SMAD2: variants seen among roughly 807,000 people sequenced by gnomAD.
The protein encoded by SMAD2 is SMAD family member 2, also known as MAD homolog 2.
SMAD2 carries 8 observed loss-of-function variants against 64.4 expected under a neutral mutation model. The ratio of observed to expected loss-of-function variants is 0.12; its 90% CI spans 0.07 to 0.22. The LOEUF is 0.22. SMAD2 is among the 10% of genes least tolerant of loss of function. The pLI, the probability that SMAD2 is intolerant of heterozygous loss-of-function variation, is 1.00. For missense variants in SMAD2, 289 were observed against 561.2 expected, an observed-to-expected ratio of 0.51 and a Z score of 4.90; for synonymous variants, 203 against 195.8, an observed-to-expected ratio of 1.04 and a Z score of -0.31.
At chr18:47,899,226 A>T (rs75575295) in intron 1 of SMAD2, among the ~76,000 whole-genome samples, 2 of 152,150 alleles carry the variant, frequency 1.3e-5, no homozygotes, top group African/African-American at 2.4e-5. Flanking sequence ...TTTGGGGAAC[A>T]TAAGTGTTGT....
chr18:47,908,426 G>T (rs993711711), intron 1 of SMAD2, among the ~76,000 whole-genome samples: 22 of 151,620 alleles, frequency 1.5e-4, no homozygotes, highest in Non-Finnish European at 2.5e-4. Flanking sequence ...GGAGATTTGA[G>T]ACAATCTGAA....
Position 47,832,849 on chromosome 18 carries a change from G to A in SMAD2, c.*8978C>T, listed in dbSNP as rs76658932. On this transcript the variant is annotated 3_prime_UTR_variant, in exon 11 of 11. Coordinates refer to ENST00000262160, the MANE Select transcript of SMAD2 (RefSeq NM_005901.6). ...TAAATAGCACTGTGCAGTGTGTGGTGTGCGCCTGTTGTGGGGTTATATTAA... is the reference window on the plus strand; with the variant it reads ...TAAATAGCACTGTGCAGTGTGTGGTATGCGCCTGTTGTGGGGTTATATTAA... The A allele has an allele frequency of 0.012, 1,905 of 153,350 alleles. 23 individuals carry two copies. Among genetic ancestry groups the A allele is most frequent in the Non-Finnish European group, 0.02 (1,349 of 68,716 alleles). 9.5% of individuals were successfully genotyped at this position (153,350 alleles called of 1,614,324 possible). A position where few individuals can be genotyped will look rare whatever the true frequency, so the allele number is the denominator to read the frequency against.
At chr18:47,857,561 A>G (rs1381216298) in intron 6 of SMAD2, among the ~76,000 whole-genome samples, 2 of 152,150 alleles carry the variant, frequency 1.3e-5, no homozygotes, top group Non-Finnish European at 2.9e-5. Context: ...GAAAAATTCT[A>G]TTTTTCTTTA....
chr18:47,919,440 AG>A, intron 1 of SMAD2, among the ~76,000 whole-genome samples: 1 of 78,898 alleles, frequency 1.3e-5, no homozygotes, highest in Non-Finnish European at 3.5e-5. Context: ...ACTAGACAAC[AG>A]AGTGTGACCT....
rs1159107389 is a variant in SMAD2 at position 47,825,377 on chromosome 18, C to T, written c.*16450G>A. 6.6e-6 allele frequency: 1 copy of T among 152,202 alleles called. No homozygotes were observed. The highest frequency in any genetic ancestry group is 1.5e-5 in the Non-Finnish European group (1 of 68,062). 9.4% of individuals were successfully genotyped at this position (152,202 alleles called of 1,614,324 possible). On this transcript the variant is annotated 3_prime_UTR_variant, in exon 11 of 11. Coordinates refer to ENST00000262160, the MANE Select transcript of SMAD2 (RefSeq NM_005901.6). Reference sequence around the variant, plus strand: ...CATGAATGGCTTGGTGCTGCTCTTGCAATGAGTTCTCACTCTCTCAAGACT... The same window carrying T: ...CATGAATGGCTTGGTGCTGCTCTTGTAATGAGTTCTCACTCTCTCAAGACT...
At chr18:47,881,142 C>T (rs1000704719) in intron 2 of SMAD2, among the ~76,000 whole-genome samples, 26 of 152,220 alleles carry the variant, frequency 1.7e-4, no homozygotes, top group Admixed American at 1.4e-3. Flanking sequence ...TAAAACATGC[C>T]TATTTTTGTT....
chr18:47,883,228 G>C (rs1192216972), intron 2 of SMAD2, among the ~76,000 whole-genome samples: 3 of 151,984 alleles, frequency 2.0e-5, no homozygotes, highest in Non-Finnish European at 2.9e-5. Flanking sequence ...TTATAATTTG[G>C]TTTGAAATAT....
rs897107879 is a variant in SMAD2, at chr18:47,829,614, T to A, written c.*12213A>T. The A allele has an allele frequency of 8.3e-4, 28 of 33,742 alleles. No homozygotes were observed. Among genetic ancestry groups the A allele is most frequent in the African/African-American group, 2.3e-3 (28 of 12,008 alleles). The allele number at this position is 33,742 out of a possible 1,614,324, so 2.1% of individuals were successfully genotyped here. A position where few individuals can be genotyped will look rare whatever the true frequency, so the allele number is the denominator to read the frequency against. On this transcript the variant is annotated 3_prime_UTR_variant, in exon 11 of 11. Transcript: ENST00000262160. ...AAGAAGGCAGTTTTCTAGGGGTTTA[T>A]TTAATTATAGGGGGGTTGGGGTAGA...
intron 10 of SMAD2, chr18:47,844,993 C>A (rs995897203): frequency 1.0e-5 from 5 of 501,714 alleles, no homozygotes; most frequent in African/African-American, 9.7e-5. Context: ...ATCCAATGCA[C>A]CTTTTACAAC....
intron 6 of SMAD2, among the ~76,000 whole-genome samples, chr18:47,861,761 T>C (rs1258252490): frequency 1.3e-5 from 2 of 152,212 alleles, no homozygotes; most frequent in Admixed American, 6.5e-5. Flanking sequence ...TTCTTCACTT[T>C]CCTTCACATC....
chr18:47,928,879 CAG>C (rs547742350), intron 1 of SMAD2, among the ~76,000 whole-genome samples: 52 of 152,260 alleles, frequency 3.4e-4, no homozygotes, highest in African/African-American at 1.2e-3. Context: ...TTAAATCCAG[CAG>C]AGTTTAATAT....
At position 47,821,491 on chromosome 18, in the gene SMAD2, C is replaced by T. The variant is rs1208022977; in HGVS notation, c.*20336G>A. On this transcript the variant is annotated 3_prime_UTR_variant, in exon 11 of 11. Coordinates refer to ENST00000262160, the MANE Select transcript of SMAD2 (RefSeq NM_005901.6). ...TGTTCCACGCAAGCAGGAAATTTCTCGTAATTTTTCCAAGAGCCATGTATT... is the reference window on the plus strand; with the variant it reads ...TGTTCCACGCAAGCAGGAAATTTCTTGTAATTTTTCCAAGAGCCATGTATT... 4 of 152,146 alleles carry T rather than the reference C, an allele frequency of 2.6e-5. No homozygotes were observed. The highest frequency in any genetic ancestry group is 4.4e-5 in the Non-Finnish European group (3 of 68,006). 9.4% of individuals were successfully genotyped at this position (152,146 alleles called of 1,614,324 possible).
chr18:47,865,003 C>A (rs2144361992), intron 6 of SMAD2, 56 bp downstream of exon 6: 1 of 1,014,538 alleles, frequency 9.9e-7, no homozygotes, highest in South Asian at 1.3e-5. Context: ...GAATTTCAAA[C>A]AATACAAGAA....
At chr18:47,843,964 AC>A (rs57746325) in intron 10 of SMAD2, among the ~76,000 whole-genome samples, 54,097 of 151,746 alleles carry the variant, frequency 0.36, 10,721 homozygotes, top group Middle Eastern at 0.53. Flanking sequence ...CTTCTGAAGA[AC>A]AAAAAAAAGT....
intron 1 of SMAD2, among the ~76,000 whole-genome samples, chr18:47,904,171 A>G (rs2033811577): frequency 6.6e-6 from 1 of 151,022 alleles, no homozygotes; most frequent in Non-Finnish European, 1.5e-5. Context: ...GCTCTTTTCC[A>G]AGGGCCTCAA....
chr18:47,929,528 C>A (rs2034910970), intron 1 of SMAD2, among the ~76,000 whole-genome samples: 1 of 152,124 alleles, frequency 6.6e-6, no homozygotes, highest in Admixed American at 6.5e-5. Flanking sequence ...GTCCAAATTG[C>A]AACAAACAAG....
At position 47,878,769 on chromosome 18, in the gene SMAD2, T is replaced by C. The variant is rs527447201; in HGVS notation, c.237-8205A>G. ...GCTTTCCATCTTCTCCTGAGTTCTG[T>C]ATGATAAAAAATTTCAAACATCCAT... On this transcript the variant is annotated intron_variant, in intron 2 of 10. Transcript: ENST00000262160. 3.5e-4 allele frequency among the ~76,000 whole-genome samples: 54 copies of C among 152,336 alleles called. 1 individual carries two copies. In the Middle Eastern group the frequency reaches 0.017, roughly 48 times the overall value.
intron 1 of SMAD2, among the ~76,000 whole-genome samples, chr18:47,907,412 T>C (rs1324489059): frequency 1.3e-5 from 2 of 152,088 alleles, no homozygotes; most frequent in African/African-American, 2.4e-5. Context: ...CAAAGAAATA[T>C]AGACTGATTT....
chr18:47,820,196 C>T lies in SMAD2; in HGVS notation c.*21631G>A, dbSNP rs569193827. The T allele has an allele frequency of 2.0e-5, 3 of 151,722 alleles. No individual in the cohort carries two copies. The highest frequency in any genetic ancestry group is 4.4e-5 in the Non-Finnish European group (3 of 67,978). 9.4% of individuals were successfully genotyped at this position (151,722 alleles called of 1,614,324 possible). ...TATAGAAAGACTAAATATATTTGGG[C>T]CTATTAATATACAAAGTTATAAGGA... On this transcript the variant is annotated 3_prime_UTR_variant, in exon 11 of 11. Transcript: ENST00000262160.
Sources: allele counts gnomAD v4.1 joint callset (sites outside exome capture counted in the v4.1 genomes callset), GRCh38; gene constraint gnomAD v4.1.1; transcripts MANE v1.5; gene names NCBI Gene and HGNC (gene_info 2026-07-23, HGNC 2026-07-21).